The following NCKAP5 variants were observed in gnomAD, a reference collection of about 807,000 sequenced individuals.
NCKAP5 encodes the protein nck-associated protein 5.
A neutral mutation model predicts 167.0 loss-of-function variants in NCKAP5; 92 were observed. The ratio of observed to expected loss-of-function variants is 0.55; its 90% CI spans 0.47 to 0.66. NCKAP5 has a LOEUF of 0.66. NCKAP5 is among the 30% of genes least tolerant of loss of function. The pLI is 0.00. For missense variants in NCKAP5, 2,378 were observed against 2,315.0 expected, an observed-to-expected ratio of 1.03 and a Z score of -0.56; for synonymous variants, 891 against 877.4, an observed-to-expected ratio of 1.02 and a Z score of -0.27.
At chr2:133,041,458 T>G (rs1227610970) in intron 6 of NCKAP5, among the ~76,000 whole-genome samples, 1 of 152,200 alleles carries the variant, frequency 6.6e-6, no homozygotes, top group Non-Finnish European at 1.5e-5. Flanking sequence ...AATATTCATA[T>G]CAGAAAATTG....
intron 3 of NCKAP5, among the ~76,000 whole-genome samples, chr2:133,348,379 T>C (rs1201836765): frequency 4.6e-5 from 7 of 152,160 alleles, no homozygotes; most frequent in Admixed American, 4.6e-4. Context: ...GGAGTAGAGT[T>C]TAGAAATCAT....
intron 19 of NCKAP5, among the ~76,000 whole-genome samples, chr2:132,697,259 G>A (rs1337105840): frequency 6.6e-6 from 1 of 152,216 alleles, no homozygotes; most frequent in Non-Finnish European, 1.5e-5. Flanking sequence ...AGGGCTTCCT[G>A]TCAGGACAGT....
intron 3 of NCKAP5, among the ~76,000 whole-genome samples, chr2:133,424,045 A>G (rs1471347171): frequency 6.6e-6 from 1 of 152,216 alleles, no homozygotes; most frequent in Admixed American, 6.5e-5. Context: ...TAGATAGAGA[A>G]CTTGAAGCCA....
chr2:133,129,347 T>A (rs1252933083), intron 6 of NCKAP5, among the ~76,000 whole-genome samples: 4 of 152,244 alleles, frequency 2.6e-5, no homozygotes, highest in African/African-American at 9.6e-5. Context: ...CATGTGGTAT[T>A]TGGTTTTTTG....
intron 8 of NCKAP5, among the ~76,000 whole-genome samples, chr2:132,956,773 G>A (rs889887545): frequency 2.0e-5 from 3 of 152,236 alleles, no homozygotes; most frequent in East Asian, 1.9e-4. Context: ...TGCCAGAGCC[G>A]AGGATGGATT....
At chr2:133,269,271 TGGA>T (rs1185579841) in intron 4 of NCKAP5, among the ~76,000 whole-genome samples, 6 of 152,330 alleles carry the variant, frequency 3.9e-5, no homozygotes, top group African/African-American at 7.2e-5. Flanking sequence ...GCTTACATTC[TGGA>T]GGAGAAGACA....
chr2:133,071,508 A>C (rs1640289784), intron 6 of NCKAP5, among the ~76,000 whole-genome samples: 1 of 152,210 alleles, frequency 6.6e-6, no homozygotes, highest in South Asian at 2.1e-4. Flanking sequence ...AGATTGGTGG[A>C]ATCTCTATAG....
intron 4 of NCKAP5, among the ~76,000 whole-genome samples, chr2:133,260,283 C>G (rs917913306): frequency 1.1e-4 from 16 of 152,102 alleles, no homozygotes; most frequent in Non-Finnish European, 1.2e-4. Context: ...GTTGAGTAAA[C>G]TAATAAATGA....
chr2:132,945,512 A>G (rs1174021727), intron 8 of NCKAP5, among the ~76,000 whole-genome samples: 1 of 152,140 alleles, frequency 6.6e-6, no homozygotes, highest in Non-Finnish European at 1.5e-5. Flanking sequence ...CACAGCACGA[A>G]TCGATGGAAG....
chr2:132,975,264 T>C (rs2076946658), intron 7 of NCKAP5, among the ~76,000 whole-genome samples: 1 of 152,328 alleles, frequency 6.6e-6, no homozygotes, highest in South Asian at 2.1e-4. Context: ...AAGCACATGG[T>C]AAAATCCCCA....
intron 6 of NCKAP5, among the ~76,000 whole-genome samples, chr2:133,081,060 A>G (rs981866665): frequency 6.6e-6 from 1 of 152,160 alleles, no homozygotes; most frequent in Non-Finnish European, 1.5e-5. Context: ...ATGCTGGCGG[A>G]CTAGCACATC....
At chr2:132,799,356 A>G (rs1225854480) in intron 11 of NCKAP5, among the ~76,000 whole-genome samples, 2 of 152,100 alleles carry the variant, frequency 1.3e-5, no homozygotes, top group Non-Finnish European at 2.9e-5. Context: ...CATGCGATAT[A>G]CCCACGGAAC....
chr2:132,679,462 C>A (rs1164082388), intron 19 of NCKAP5, among the ~76,000 whole-genome samples: 1 of 152,060 alleles, frequency 6.6e-6, no homozygotes, highest in Non-Finnish European at 1.5e-5. Context: ...AAGAAGGTGT[C>A]CAAGGTGTCC....
chr2:133,229,694 A>G (rs1235556099), intron 4 of NCKAP5, among the ~76,000 whole-genome samples: 1 of 152,054 alleles, frequency 6.6e-6, no homozygotes, highest in Non-Finnish European at 1.5e-5. Context: ...GGACACAGGC[A>G]CTCTTGGCAC....
At chr2:133,281,173 A>G (rs2089922196) in intron 4 of NCKAP5, among the ~76,000 whole-genome samples, 1 of 152,206 alleles carries the variant, frequency 6.6e-6, no homozygotes, top group Non-Finnish European at 1.5e-5. Context: ...TTTGAAATTA[A>G]CTTTTTATAG....
the NCKAP5 span, among the ~76,000 whole-genome samples, chr2:133,619,229 G>T: frequency 6.8e-6 from 1 of 147,948 alleles, no homozygotes; most frequent in East Asian, 2.0e-4. Context: ...TGGGTGCAGC[G>T]CACCAGCATG....
chr2:132,791,273 C>G (rs1684047381), intron 12 of NCKAP5, among the ~76,000 whole-genome samples: 2 of 152,186 alleles, frequency 1.3e-5, no homozygotes, highest in South Asian at 4.2e-4. Context: ...AATGAGCCTC[C>G]ACTGTAAATA....
chr2:133,470,125 T>C (rs1387081864), intron 3 of NCKAP5, among the ~76,000 whole-genome samples: 2 of 152,176 alleles, frequency 1.3e-5, no homozygotes, highest in Non-Finnish European at 2.9e-5. Flanking sequence ...TTCTGCTTTT[T>C]CCCCATCTTT....
At chr2:132,994,380 T>C in intron 6 of NCKAP5, 141 bp from the exon 7 acceptor site, 1 of 633,864 alleles carries the variant, frequency 1.6e-6, no homozygotes, top group Non-Finnish European at 2.7e-6. Context: ...TCATCTTCTA[T>C]CAGTTATCTG....
Sources: gnomAD v4.1 joint callset for allele counts (sites outside exome capture counted in the v4.1 genomes callset) on GRCh38, gnomAD v4.1.1 for gene constraint, MANE v1.5 for transcripts, NCBI Gene and HGNC (gene_info 2026-07-23, HGNC 2026-07-21) for gene names.